The following DDX10 variants were observed in gnomAD, a reference collection of about 807,000 sequenced individuals.
The protein encoded by DDX10 is probable ATP-dependent RNA helicase DDX10.
DDX10 carries 74 observed loss-of-function variants against 104.3 expected under a neutral mutation model. The observed-to-expected ratio is 0.71, with a 90% CI of 0.59 to 0.86. DDX10 has a LOEUF of 0.86. Among genes scored for constraint, DDX10 ranks in the 40% least tolerant of loss-of-function variants. The pLI, the probability that DDX10 is intolerant of heterozygous loss-of-function variation, is 0.00. For synonymous variants in DDX10, 351 were observed against 353.4 expected (o/e 0.99, Z 0.08); for missense variants, 952 against 1,040.0 (o/e 0.92, Z 1.16).
rs145929285 is a variant in DDX10 at position 108,850,640 on chromosome 11, A to C, written c.2248-1513A>C. 3.3e-3 allele frequency among the ~76,000 whole-genome samples: 507 copies of C among 152,326 alleles called. 5 individuals are homozygous for C. The highest frequency in any genetic ancestry group is 0.012 in the African/African-American group (487 of 41,586). On this transcript the variant is annotated intron_variant, in intron 15 of 17. Transcript: ENST00000322536. The stretch of plus-strand genomic sequence containing the variant: ...AAAAAAATGCTATCAGGATGAAAAG[A>C]CCTGTATGGTAGCAGATTATAATGA...
At chr11:108,872,414 A>T (rs2134624567) in intron 16 of DDX10, among the ~76,000 whole-genome samples, 3 of 152,350 alleles carry the variant, frequency 2.0e-5, no homozygotes, top group South Asian at 2.1e-4. Flanking sequence ...TTAAGAAAAC[A>T]GCCCTCATTC....
At chr11:108,763,346 T>G (rs189624438) in intron 13 of DDX10, among the ~76,000 whole-genome samples, 10 of 152,318 alleles carry the variant, frequency 6.6e-5, no homozygotes, top group African/African-American at 2.4e-4. Context: ...TGTCTCTCTC[T>G]TCTTGGTTTA....
chr11:108,913,332 A>C (rs1863704893), intron 16 of DDX10, among the ~76,000 whole-genome samples: 1 of 152,132 alleles, frequency 6.6e-6, no homozygotes, highest in African/African-American at 2.4e-5. Flanking sequence ...AAACAGTTGC[A>C]TTCTTTTGAG....
At chr11:108,908,991 GA>G (rs1863632515) in intron 16 of DDX10, among the ~76,000 whole-genome samples, 1 of 152,174 alleles carries the variant, frequency 6.6e-6, no homozygotes, top group Non-Finnish European at 1.5e-5. Flanking sequence ...TTCCTGGACA[GA>G]ACACCCTTAA....
chr11:108,726,261 C>T (rs761431382), intron 13 of DDX10, among the ~76,000 whole-genome samples: 3 of 152,030 alleles, frequency 2.0e-5, no homozygotes, highest in Non-Finnish European at 2.9e-5. Flanking sequence ...CTAGTTACTT[C>T]GTATAAAAAG....
chr11:108,761,910 C>G (rs745966742), intron 13 of DDX10, among the ~76,000 whole-genome samples: 2 of 152,026 alleles, frequency 1.3e-5, no homozygotes, highest in Non-Finnish European at 2.9e-5. Context: ...TGTAATAAAT[C>G]ATTAAGTAAA....
At chr11:108,766,423 T>C (rs2094356467) in intron 13 of DDX10, among the ~76,000 whole-genome samples, 1 of 152,222 alleles carries the variant, frequency 6.6e-6, no homozygotes, top group African/African-American at 2.4e-5. Context: ...TTAAACTCTT[T>C]GCCCTGGTGT....
rs144632806 is a variant in DDX10, at chr11:108,686,334, TC to T, written c.849-2601del. Among the ~76,000 whole-genome samples the T allele has an allele frequency of 9.6e-3, 1,468 of 152,310 alleles. 19 individuals are homozygous for T. Among genetic ancestry groups the T allele is most frequent in the African/African-American group, 0.033 (1,374 of 41,560 alleles). The stretch of plus-strand genomic sequence containing the variant: ...TTGGACAAATTTATGATAACATATG[TC>T]TACTGTTATAGTATTTCACAGTATA... On this transcript the variant is annotated intron_variant, in intron 6 of 17. Transcript: ENST00000322536.
chr11:108,771,429 G>C (rs1035181069), intron 13 of DDX10, among the ~76,000 whole-genome samples: 1 of 151,572 alleles, frequency 6.6e-6, no homozygotes, highest in African/African-American at 2.4e-5. Context: ...GCATGATCTC[G>C]ACTCATGGAA....
At chr11:108,745,670 ACTTC>A (rs1291125058) in intron 13 of DDX10, among the ~76,000 whole-genome samples, 1 of 152,216 alleles carries the variant, frequency 6.6e-6, no homozygotes, top group African/African-American at 2.4e-5. Flanking sequence ...TTAAAGCATG[ACTTC>A]TAAAAGTGAG....
intron 13 of DDX10, among the ~76,000 whole-genome samples, chr11:108,772,530 T>C (rs538340356): frequency 2.6e-5 from 4 of 152,316 alleles, no homozygotes; most frequent in African/African-American, 9.6e-5. Context: ...CTAGTAGCCA[T>C]TGGCAAGGAC....
At chr11:108,926,837 T>A (rs1246526456) in intron 17 of DDX10, among the ~76,000 whole-genome samples, 1 of 152,220 alleles carries the variant, frequency 6.6e-6, no homozygotes, top group Non-Finnish European at 1.5e-5. Flanking sequence ...TAAAGGTTTC[T>A]GAGAATGTTT....
intron 16 of DDX10, among the ~76,000 whole-genome samples, chr11:108,852,962 A>C (rs1453477567): frequency 6.6e-6 from 1 of 152,214 alleles, no homozygotes; most frequent in Non-Finnish European, 1.5e-5. Flanking sequence ...TCCCTTGAGG[A>C]AGCCTATAAT....
chr11:108,909,520 G>T (rs1863640292), intron 16 of DDX10, among the ~76,000 whole-genome samples: 1 of 151,880 alleles, frequency 6.6e-6, no homozygotes, highest in Admixed American at 6.6e-5. Context: ...TCTTCCTCTG[G>T]CTGTTTCTGA....
intron 13 of DDX10, among the ~76,000 whole-genome samples, chr11:108,782,202 G>T (rs1484291935): frequency 6.6e-6 from 1 of 152,082 alleles, no homozygotes; most frequent in East Asian, 1.9e-4. Flanking sequence ...TCTTTTCTTA[G>T]GTTTCTGCTT....
chr11:108,771,587 C>T (rs2094363220), intron 13 of DDX10, among the ~76,000 whole-genome samples: 5 of 152,044 alleles, frequency 3.3e-5, no homozygotes, highest in Admixed American at 2.0e-4. Context: ...CCTCGTGATC[C>T]GTCCGCCTCA....
chr11:108,917,827 T>C, intron 16 of DDX10, 46 bp from the exon 17 acceptor site: 4 of 1,594,728 alleles, frequency 2.5e-6, no homozygotes, highest in South Asian at 1.1e-5. Context: ...TGATTATTTA[T>C]CAACTGACTT....
intron 17 of DDX10, among the ~76,000 whole-genome samples, chr11:108,926,389 A>G (rs1458169531): frequency 6.6e-6 from 1 of 152,204 alleles, no homozygotes; most frequent in Non-Finnish European, 1.5e-5. Flanking sequence ...TATTTTACAG[A>G]TGGAAACACA....
rs143079326 is a variant in DDX10, at chr11:108,706,891, T to G, written c.1322+54T>G. 93 of 1,470,354 alleles carry G rather than the reference T, an allele frequency of 6.3e-5. No individual in the cohort carries two copies. In the African/African-American group the frequency reaches 9.6e-4, roughly 15 times the overall value. The allele number at this position is 1,470,354 out of a possible 1,614,324, so 91.1% of individuals were successfully genotyped here. On this transcript the variant is annotated intron_variant, in intron 10 of 17. Coordinates refer to ENST00000322536, the MANE Select transcript of DDX10 (RefSeq NM_004398.4). ...TTAGGAAAATGAGGGCATGAAATTG[T>G]TTGCTTAATTATGTGCACCTAATTT...
Sources: gnomAD v4.1 joint callset for allele counts (sites outside exome capture counted in the v4.1 genomes callset) on GRCh38, gnomAD v4.1.1 for gene constraint, MANE v1.5 for transcripts, NCBI Gene and HGNC (gene_info 2026-07-23, HGNC 2026-07-21) for gene names.